Variants in PROS1 observed in about 807,000 individuals in gnomAD.
PROS1 encodes the protein vitamin K-dependent protein S.
In PROS1, 29 loss-of-function variants were observed where a neutral mutation model predicts 75.9. That is an observed-to-expected ratio of 0.38 (90% CI 0.28 to 0.52). PROS1 has a LOEUF of 0.52. PROS1 is among the 20% of genes least tolerant of loss of function. PROS1 has a pLI of 0.83. For synonymous variants in PROS1, 245 were observed against 280.6 expected (o/e 0.87, Z 1.27); for missense variants, 680 against 810.3 (o/e 0.84, Z 1.95).
chr3:93,907,415 G>A lies in PROS1; in HGVS notation c.347-1272C>T, dbSNP rs565932507. Among the ~76,000 whole-genome samples the A allele has an allele frequency of 3.2e-4, 49 of 152,212 alleles. 1 individual carries two copies. Among genetic ancestry groups the A allele is most frequent in the African/African-American group, 1.2e-3 (49 of 41,534 alleles). ...ATGGGACAACCAGCTGCAGACAGGA[G>A]CCACCCACTCTAGGCCTCCTCTCTA... On this transcript the variant is annotated intron_variant, in intron 4 of 14. Transcript: ENST00000394236.
chr3:93,962,532 A>G (rs1165777008), intron 1 of PROS1, among the ~76,000 whole-genome samples: 5 of 152,214 alleles, frequency 3.3e-5, no homozygotes, highest in Admixed American at 1.3e-4. Flanking sequence ...TACACTGAAG[A>G]GAAACATCCC....
intron 2 of PROS1, among the ~76,000 whole-genome samples, chr3:93,926,759 T>C (rs1709024697): frequency 1.3e-5 from 2 of 152,202 alleles, no homozygotes. Context: ...CAGACATCCT[T>C]TCCCCTCCCT....
At chr3:93,947,656 G>A (rs989625593) in intron 1 of PROS1, among the ~76,000 whole-genome samples, 11 of 151,698 alleles carry the variant, frequency 7.3e-5, no homozygotes, top group South Asian at 4.2e-4. Context: ...AAGCTCCACC[G>A]CCCAGGTTCA....
chr3:93,920,140 A>G (rs1376412267), intron 3 of PROS1, among the ~76,000 whole-genome samples: 1 of 152,098 alleles, frequency 6.6e-6, no homozygotes, highest in Non-Finnish European at 1.5e-5. Flanking sequence ...CCTCACACCT[A>G]TAACCCCAGC....
intron 1 of PROS1, among the ~76,000 whole-genome samples, chr3:93,967,578 A>T (rs1266299002): frequency 6.6e-6 from 1 of 152,204 alleles, no homozygotes; most frequent in Non-Finnish European, 1.5e-5. Context: ...TGTTCTCTGT[A>T]CCAGCAATCA....
intron 1 of PROS1, among the ~76,000 whole-genome samples, chr3:93,930,113 GATAA>G (rs1434389108): frequency 2.0e-5 from 3 of 152,146 alleles, no homozygotes; most frequent in Non-Finnish European, 2.9e-5. Context: ...AAATGTAATG[GATAA>G]ATAAATAAAT....
intron 4 of PROS1, among the ~76,000 whole-genome samples, chr3:93,906,698 A>C (rs2107172404): frequency 6.6e-6 from 1 of 152,286 alleles, no homozygotes; most frequent in African/African-American, 2.4e-5. Context: ...CTGGCTGGAA[A>C]CCTGGGCATC....
intron 1 of PROS1, among the ~76,000 whole-genome samples, chr3:93,967,181 G>A: frequency 6.6e-6 from 1 of 152,104 alleles, no homozygotes; most frequent in East Asian, 1.9e-4. Context: ...TTTTCTGCAG[G>A]ATTGCTATTC....
In PROS1 at chr3:93,973,882, G is replaced by T; in HGVS notation, c.-133C>A. 1.6e-6 allele frequency: 1 copy of T among 634,984 alleles called. No individual in the cohort carries two copies. The highest frequency in any genetic ancestry group is 2.3e-6 in the Non-Finnish European group (1 of 426,844). 39.3% of individuals were successfully genotyped at this position (634,984 alleles called of 1,614,324 possible). A position where few individuals can be genotyped will look rare whatever the true frequency, so the allele number is the denominator to read the frequency against. On this transcript the variant is annotated 5_prime_UTR_variant, in exon 1 of 15. Transcript: ENST00000394236. ...TGCGCGGCGGCGCCAGCGACCCAGC[G>T]AGCCTCGGCGGAACAGCCGGGGGCG...
At chr3:93,938,338 C>T (rs1279369416) in intron 1 of PROS1, among the ~76,000 whole-genome samples, 3 of 152,314 alleles carry the variant, frequency 2.0e-5, no homozygotes, top group Non-Finnish European at 2.9e-5. Context: ...TCTCCCTTTG[C>T]TGACTCTCTT....
At chr3:93,934,354 G>GA (rs1205535246) in intron 1 of PROS1, among the ~76,000 whole-genome samples, 1 of 152,134 alleles carries the variant, frequency 6.6e-6, no homozygotes, top group African/African-American at 2.4e-5. Context: ...AGAAGCAATT[G>GA]AAAAAATGTG....
intron 2 of PROS1, 69 bp downstream of exon 2, chr3:93,927,181 G>A: frequency 6.3e-7 from 1 of 1,581,534 alleles, no homozygotes. Flanking sequence ...AGGAAGTACA[G>A]GCTGGAAATG....
intron 1 of PROS1, chr3:93,928,713 T>C: frequency 7.9e-7 from 1 of 1,269,558 alleles, no homozygotes; most frequent in African/African-American, 1.5e-5. Context: ...GCATATAGAA[T>C]AGAAAAAATT....
intron 1 of PROS1, among the ~76,000 whole-genome samples, chr3:93,935,112 T>C (rs1709163341): frequency 6.6e-6 from 1 of 152,214 alleles, no homozygotes; most frequent in South Asian, 2.1e-4. Flanking sequence ...TTCTTTTATT[T>C]GAATTGTTTG....
intron 13 of PROS1, among the ~76,000 whole-genome samples, chr3:93,878,650 A>G (rs1708227022): frequency 2.0e-5 from 3 of 152,258 alleles, no homozygotes; most frequent in African/African-American, 7.2e-5. Context: ...AAGAGTTGCC[A>G]GTAAGAAACC....
intron 3 of PROS1, among the ~76,000 whole-genome samples, chr3:93,924,030 T>G (rs1431817656): frequency 1.3e-5 from 2 of 152,150 alleles, no homozygotes; most frequent in Non-Finnish European, 2.9e-5. Context: ...ACACTAAAAT[T>G]TAAAATGTCA....
chr3:93,877,624 C>T (rs1048568466), intron 13 of PROS1, among the ~76,000 whole-genome samples: 16 of 152,256 alleles, frequency 1.1e-4, no homozygotes, highest in African/African-American at 3.9e-4. Context: ...TAACAGGTTT[C>T]TTTGTGCCAC....
In PROS1 at chr3:93,905,861, C is replaced by G; in HGVS notation, c.524G>C (p.Cys175Ser). 1 of 1,613,272 alleles carries G rather than the reference C, an allele frequency of 6.2e-7. No individual in the cohort carries two copies. The highest frequency in any genetic ancestry group is 8.5e-7 in the Non-Finnish European group (1 of 1,179,276). ...GTGGTAACTTCCAGGTGTATTATCA[C>G]AAATTTGACTGCAACCTCCATTTAT... is the stretch of plus-strand genomic sequence containing the variant. ...SNINGGCSQICDNTPGSYHCS... is the reference protein window; with the variant it reads ...SNINGGCSQISDNTPGSYHCS... The change falls in exon 6 of 15, where the codon TGT (cysteine) becomes TCT (serine). Residue 175 changes from cysteine (C) to serine (S), a missense_variant. By Grantham distance (112) the Cys-to-Ser change is moderately radical. Coordinates refer to ENST00000394236, the MANE Select transcript of PROS1 (RefSeq NM_000313.4).
intron 1 of PROS1, among the ~76,000 whole-genome samples, chr3:93,938,638 C>T (rs1039098456): frequency 6.6e-6 from 1 of 152,158 alleles, no homozygotes; most frequent in Non-Finnish European, 1.5e-5. Context: ...CCTTCAATCT[C>T]CCTCTCTCGC....
Sources: allele counts gnomAD v4.1 joint callset (sites outside exome capture counted in the v4.1 genomes callset), GRCh38; gene constraint gnomAD v4.1.1; transcripts MANE v1.5; gene names NCBI Gene and HGNC (gene_info 2026-07-23, HGNC 2026-07-21).